APBB1IP: variants seen among roughly 807,000 people sequenced by gnomAD.
APBB1IP encodes amyloid beta A4 precursor protein-binding family B member 1-interacting protein.
In APBB1IP, 27 loss-of-function variants were observed where a neutral mutation model predicts 64.9. The ratio of observed to expected loss-of-function variants is 0.42; its 90% CI spans 0.31 to 0.57. APBB1IP has a LOEUF of 0.57. APBB1IP is among the 20% of genes least tolerant of loss of function. The pLI, the probability that APBB1IP is intolerant of heterozygous loss-of-function variation, is 0.20. For synonymous variants in APBB1IP, 392 were observed against 331.0 expected (o/e 1.18, Z -2.00); for missense variants, 812 against 845.5 (o/e 0.96, Z 0.49).
At chr10:26,525,470 T>A (rs1457200351) in intron 8 of APBB1IP, among the ~76,000 whole-genome samples, 1 of 152,122 alleles carries the variant, frequency 6.6e-6, no homozygotes, top group East Asian at 1.9e-4. Flanking sequence ...CTGCAATGGG[T>A]GAGGAAAAGG....
At chr10:26,473,496 G>A (rs980435446) in intron 2 of APBB1IP, among the ~76,000 whole-genome samples, 22 of 152,314 alleles carry the variant, frequency 1.4e-4, no homozygotes, top group African/African-American at 5.1e-4. Context: ...TTAAAATGAT[G>A]TTGTGTGATC....
At chr10:26,475,340 C>T (rs1324364537) in intron 2 of APBB1IP, among the ~76,000 whole-genome samples, 1 of 152,126 alleles carries the variant, frequency 6.6e-6, no homozygotes, top group South Asian at 2.1e-4. Context: ...CCAGGCTGGT[C>T]TTGAACTCCT....
chr10:26,451,474 A>C (rs1835465175), intron 2 of APBB1IP, among the ~76,000 whole-genome samples: 1 of 152,230 alleles, frequency 6.6e-6, no homozygotes, highest in Admixed American at 6.5e-5. Context: ...GCTTTACTTA[A>C]GATCTGAGGT....
intron 8 of APBB1IP, among the ~76,000 whole-genome samples, chr10:26,514,013 C>T (rs1377702709): frequency 2.0e-5 from 3 of 152,158 alleles, no homozygotes; most frequent in African/African-American, 7.2e-5. Flanking sequence ...GGATTACAGA[C>T]GTGAGCCACT....
At chr10:26,537,139 C>T (rs564241415) in intron 10 of APBB1IP, among the ~76,000 whole-genome samples, 2 of 150,616 alleles carry the variant, frequency 1.3e-5, no homozygotes, top group African/African-American at 4.8e-5. Context: ...TCTCTAAGAC[C>T]TTTCTTAGAG....
rs534081940 is a variant in APBB1IP at position 26,458,320 on chromosome 10, G to A, written c.-1+19467G>A. On this transcript the variant is annotated intron_variant, in intron 2 of 14. Transcript: ENST00000376236. ...GGAAAGTCGCTTGAACCTAGGAGGC[G>A]GAGGTTGCAGTGAGCCAAGATCTTG... 6.4e-3 allele frequency among the ~76,000 whole-genome samples: 970 copies of A among 152,148 alleles called. 2 individuals carry two copies. The highest frequency in any genetic ancestry group is 0.011 in the Non-Finnish European group (722 of 67,988).
At chr10:26,498,877 T>G (rs1353139379) in intron 4 of APBB1IP, among the ~76,000 whole-genome samples, 2 of 152,204 alleles carry the variant, frequency 1.3e-5, no homozygotes, top group Non-Finnish European at 2.9e-5. Flanking sequence ...AAACTACTGC[T>G]ACGTATGGAA....
At chr10:26,449,912 C>A (rs1835446109) in intron 2 of APBB1IP, among the ~76,000 whole-genome samples, 1 of 151,936 alleles carries the variant, frequency 6.6e-6, no homozygotes, top group Non-Finnish European at 1.5e-5. Flanking sequence ...GAGGCTGAAG[C>A]AGGAGGATTA....
rs1837061770 is a variant in APBB1IP, at chr10:26,567,243, C to T, written c.1756C>T (p.Pro586Ser). The T allele has an allele frequency of 6.0e-6, 8 of 1,329,944 alleles. No homozygotes were observed. The East Asian group carries it at 1.8e-4, about 29-fold the overall frequency. 82.4% of individuals were successfully genotyped at this position (1,329,944 alleles called of 1,614,324 possible). The change falls in exon 15 of 15, where the codon CCC becomes TCC. Residue 586 changes from proline (P) to serine (S), a missense_variant. Transcript: ENST00000376236. ...MEPPPDFVPP[P>S]PPSYAGIAGS... ...GCCGCCCCCAGACTTCGTGCCCCCG[C>T]CCCCGCCGTCGTACGCAGGGATCGC...
At chr10:26,473,528 G>T (rs938680950) in intron 2 of APBB1IP, among the ~76,000 whole-genome samples, 1 of 152,140 alleles carries the variant, frequency 6.6e-6, no homozygotes, top group African/African-American at 2.4e-5. Flanking sequence ...TAATAGTTAA[G>T]CAGTGTGTTC....
chr10:26,541,975 T>TA (rs1034053980), intron 11 of APBB1IP, among the ~76,000 whole-genome samples: 2 of 152,148 alleles, frequency 1.3e-5, no homozygotes, highest in African/African-American at 4.8e-5. Flanking sequence ...TCGATAAGAC[T>TA]AAAAAAAGTT....
At chr10:26,458,044 G>C (rs1835547684) in intron 2 of APBB1IP, among the ~76,000 whole-genome samples, 2 of 152,174 alleles carry the variant, frequency 1.3e-5, no homozygotes, top group South Asian at 4.1e-4. Context: ...CAGCAGAGAA[G>C]TTGTATGGAG....
intron 8 of APBB1IP, among the ~76,000 whole-genome samples, chr10:26,515,123 C>T (rs1010335007): frequency 2.0e-5 from 3 of 151,382 alleles, no homozygotes; most frequent in Non-Finnish European, 2.9e-5. Flanking sequence ...CCTCGTGATC[C>T]GCCCGCCTTG....
chr10:26,524,675 T>C (rs184618698), intron 8 of APBB1IP, among the ~76,000 whole-genome samples: 137 of 152,314 alleles, frequency 9.0e-4, no homozygotes, highest in Admixed American at 2.1e-3. Flanking sequence ...TTAGGGATTC[T>C]TGAGTTAGCA....
chr10:26,447,858 A>C (rs1269015862), intron 2 of APBB1IP, among the ~76,000 whole-genome samples: 2 of 151,686 alleles, frequency 1.3e-5, no homozygotes, highest in Non-Finnish European at 2.9e-5. Context: ...CTGGTCTTGA[A>C]CTCTTGGGCT....
chr10:26,445,127 GAAAAGAAAGAAA>G (rs1340242864), intron 2 of APBB1IP, among the ~76,000 whole-genome samples: 2 of 47,324 alleles, frequency 4.2e-5, no homozygotes, highest in Middle Eastern at 0.011. Context: ...AAGAAAGAAA[GAAAAGAAAGAAA>G]GAAAGAAAGA....
intron 2 of APBB1IP, among the ~76,000 whole-genome samples, chr10:26,488,588 G>A (rs1564358723): frequency 6.6e-6 from 1 of 152,196 alleles, no homozygotes; most frequent in Non-Finnish European, 1.5e-5. Context: ...AAGCAACTGT[G>A]TGGGGATAAA....
At chr10:26,513,129 T>A (rs1836281920) in intron 7 of APBB1IP, among the ~76,000 whole-genome samples, 1 of 152,268 alleles carries the variant, frequency 6.6e-6, no homozygotes, top group African/African-American at 2.4e-5. Context: ...ATGAAAAAAG[T>A]ATGTCTCTGG....
intron 8 of APBB1IP, among the ~76,000 whole-genome samples, chr10:26,519,013 T>A (rs1403278740): frequency 6.6e-6 from 1 of 152,062 alleles, no homozygotes; most frequent in Non-Finnish European, 1.5e-5. Context: ...AGGTAATTTA[T>A]AAAGAAAAGA....
Sources: gnomAD v4.1 joint callset for allele counts (sites outside exome capture counted in the v4.1 genomes callset) on GRCh38, gnomAD v4.1.1 for gene constraint, MANE v1.5 for transcripts, NCBI Gene and HGNC (gene_info 2026-07-23, HGNC 2026-07-21) for gene names.